Variants in ADAMTS12 observed in about 807,000 individuals in gnomAD.
ADAMTS12 encodes the protein A disintegrin and metalloproteinase with thrombospondin motifs 12.
In ADAMTS12, 118 loss-of-function variants were observed where a neutral mutation model predicts 167.8. That is an observed-to-expected ratio of 0.70 (90% CI 0.61 to 0.82). The LOEUF is 0.82. ADAMTS12 is among the 40% of genes least tolerant of loss of function. ADAMTS12 has a pLI of 0.00. For synonymous variants in ADAMTS12, 704 were observed against 716.9 expected, an observed-to-expected ratio of 0.98 and a Z score of 0.29; for missense variants, 1,916 against 1,998.8, an observed-to-expected ratio of 0.96 and a Z score of 0.79.
At chr5:33,760,449 T>G (rs991574808) in intron 2 of ADAMTS12, among the ~76,000 whole-genome samples, 1 of 152,064 alleles carries the variant, frequency 6.6e-6, no homozygotes, top group Non-Finnish European at 1.5e-5. Context: ...ATTTGAAATG[T>G]AAAATAAATG....
chr5:33,870,190 C>T (rs567328655), intron 2 of ADAMTS12, among the ~76,000 whole-genome samples: 6 of 152,176 alleles, frequency 3.9e-5, no homozygotes, highest in South Asian at 2.1e-4. Context: ...ACAGGCTTTA[C>T]GAACAATTTG....
chr5:33,763,781 C>T (rs1243974737), intron 2 of ADAMTS12, among the ~76,000 whole-genome samples: 1 of 152,204 alleles, frequency 6.6e-6, no homozygotes, highest in Non-Finnish European at 1.5e-5. Context: ...CCATTCTGTG[C>T]CACTCTATTT....
chr5:33,713,658 G>A (rs1185840176), intron 3 of ADAMTS12, among the ~76,000 whole-genome samples: 1 of 150,872 alleles, frequency 6.6e-6, no homozygotes, highest in Non-Finnish European at 1.5e-5. Context: ...AATTGATGAG[G>A]AGAAGATAAA....
At chr5:33,876,041 T>C (rs1339334857) in intron 2 of ADAMTS12, among the ~76,000 whole-genome samples, 1 of 152,090 alleles carries the variant, frequency 6.6e-6, no homozygotes, top group Non-Finnish European at 1.5e-5. Context: ...ATACTAAAAT[T>C]AAAAATATAA....
At chr5:33,791,184 G>A (rs1191838113) in intron 2 of ADAMTS12, among the ~76,000 whole-genome samples, 1 of 152,170 alleles carries the variant, frequency 6.6e-6, no homozygotes, top group East Asian at 1.9e-4. Flanking sequence ...CTCTCAGCAA[G>A]AATTAGATGT....
At chr5:33,810,016 T>C (rs1348078453) in intron 2 of ADAMTS12, among the ~76,000 whole-genome samples, 1 of 144,064 alleles carries the variant, frequency 6.9e-6, no homozygotes, top group Non-Finnish European at 1.5e-5. Flanking sequence ...TTAGAAGCAC[T>C]GAAAATATGA....
intron 2 of ADAMTS12, among the ~76,000 whole-genome samples, chr5:33,872,471 C>T (rs542908471): frequency 4.0e-5 from 6 of 151,204 alleles, no homozygotes; most frequent in South Asian, 2.1e-4. Context: ...CGCTTGAACT[C>T]GGGAGGCAGA....
In ADAMTS12 at chr5:33,576,810, G is replaced by T; in HGVS notation, c.3216C>A (p.Thr1072=). Residue 1072 remains threonine (T), a synonymous_variant, in exon 19 of 24, where the codon ACC becomes ACA. Transcript: ENST00000504830. The part of the protein sequence containing the change: ...LGGKQWQDSS[T]QPELSSRYLI... Reference sequence around the variant, plus strand: ...GATAGCGAGAGCTCAGCTCAGGTTGGGTTGAGCTATCTTGCCACTGTTTCC... The same window carrying T: ...GATAGCGAGAGCTCAGCTCAGGTTGTGTTGAGCTATCTTGCCACTGTTTCC... 6.2e-7 allele frequency: 1 copy of T among 1,614,200 alleles called. No homozygotes were observed.
At chr5:33,714,341 T>C (rs1056015406) in intron 3 of ADAMTS12, among the ~76,000 whole-genome samples, 11 of 152,046 alleles carry the variant, frequency 7.2e-5, no homozygotes, top group African/African-American at 2.7e-4. Flanking sequence ...TAAATCAAAA[T>C]GTAATGCAAA....
chr5:33,739,668 G>C (rs1744498199), intron 3 of ADAMTS12, among the ~76,000 whole-genome samples: 1 of 152,196 alleles, frequency 6.6e-6, no homozygotes, highest in Non-Finnish European at 1.5e-5. Flanking sequence ...GACCCGTGAT[G>C]ATGAGCTAGA....
At chr5:33,669,997 T>C (rs1346596219) in intron 5 of ADAMTS12, among the ~76,000 whole-genome samples, 1 of 151,926 alleles carries the variant, frequency 6.6e-6, no homozygotes, top group Non-Finnish European at 1.5e-5. Flanking sequence ...AAAGGAAGAA[T>C]TGATAAATTG....
chr5:33,546,194 C>T lies in ADAMTS12; in HGVS notation c.4311G>A (p.Arg1437=), dbSNP rs377536950. Residue 1437 remains arginine (R), a synonymous_variant, in exon 22 of 24, where the codon AGG becomes AGA. Transcript: ENST00000504830. ...TCTCCTGAACTCCACCTCCACAGGA[C>T]CTGGAGCACTGATACACAGCAGTGA... The part of the protein sequence containing the change: ...WQVEPWSQCS[R]SCGGGVQERG... 6.2e-7 allele frequency: 1 copy of T among 1,611,522 alleles called. No individual in the cohort carries two copies. The highest frequency in any genetic ancestry group is 1.3e-5 in the African/African-American group (1 of 74,728).
At chr5:33,665,311 T>C (rs969909565) in intron 5 of ADAMTS12, among the ~76,000 whole-genome samples, 5 of 152,190 alleles carry the variant, frequency 3.3e-5, no homozygotes, top group African/African-American at 1.2e-4. Context: ...AAGAGATCTA[T>C]TGTACAACAT....
intron 15 of ADAMTS12, 73 bp downstream of exon 15, chr5:33,615,755 A>G: frequency 1.3e-6 from 2 of 1,572,806 alleles, no homozygotes; most frequent in Non-Finnish European, 1.7e-6. Flanking sequence ...GTCCCCTAGC[A>G]AGTACCTTGG....
At chr5:33,828,867 A>G (rs1344723312) in intron 2 of ADAMTS12, among the ~76,000 whole-genome samples, 1 of 152,182 alleles carries the variant, frequency 6.6e-6, no homozygotes, top group Non-Finnish European at 1.5e-5. Context: ...GTCGCAGTAG[A>G]TTCTGCCCTG....
intron 3 of ADAMTS12, among the ~76,000 whole-genome samples, chr5:33,707,207 T>G (rs1158050999): frequency 1.3e-5 from 2 of 152,060 alleles, no homozygotes; most frequent in African/African-American, 4.8e-5. Context: ...TCGCAACTGC[T>G]ACAAAGAAAA....
At chr5:33,565,906 CAATT>C (rs763623577) in intron 19 of ADAMTS12, among the ~76,000 whole-genome samples, 15 of 152,070 alleles carry the variant, frequency 9.9e-5, no homozygotes, top group Non-Finnish European at 1.3e-4. Flanking sequence ...TAACATTTGT[CAATT>C]AATTAACATG....
intron 2 of ADAMTS12, among the ~76,000 whole-genome samples, chr5:33,866,679 A>G (rs1749834987): frequency 6.6e-6 from 1 of 152,142 alleles, no homozygotes; most frequent in Non-Finnish European, 1.5e-5. Flanking sequence ...ATGAGAGACA[A>G]TATTTGCTAA....
rs896688820 is a variant in ADAMTS12 at position 33,649,030 on chromosome 5, T to C, written c.1335-64A>G. 3.2e-6 allele frequency: 5 copies of C among 1,579,422 alleles called. No individual in the cohort carries two copies. In the African/African-American group the frequency reaches 4.1e-5, roughly 13 times the overall value. The stretch of plus-strand genomic sequence containing the variant: ...GATTCCCTTTACCTTCAGCCTTTCA[T>C]TCAACAGAAACTTCCCTCTGGTTTA... On this transcript the variant is annotated intron_variant, in intron 8 of 23. Coordinates refer to ENST00000504830, the MANE Select transcript of ADAMTS12 (RefSeq NM_030955.4).
Sources: gnomAD v4.1 joint callset for allele counts (sites outside exome capture counted in the v4.1 genomes callset) on GRCh38, gnomAD v4.1.1 for gene constraint, MANE v1.5 for transcripts, NCBI Gene and HGNC (gene_info 2026-07-23, HGNC 2026-07-21) for gene names.